Variants in SHISA6 observed in about 807,000 individuals in gnomAD.
SHISA6 encodes protein shisa-6.
SHISA6 carries 22 observed loss-of-function variants against 47.9 expected under a neutral mutation model. The observed-to-expected ratio is 0.46, with a 90% CI of 0.33 to 0.66. The LOEUF (loss-of-function observed/expected upper bound fraction) is 0.66. Ranked by LOEUF, SHISA6 falls within the 30% of genes least tolerant of loss-of-function variation. SHISA6 has a pLI of 0.02. For missense variants in SHISA6, 680 were observed against 764.6 expected (o/e 0.89, Z 1.30); for synonymous variants, 388 against 337.8 (o/e 1.15, Z -1.63).
intron 2 of SHISA6, among the ~76,000 whole-genome samples, chr17:11,336,091 C>T (rs1247422698): frequency 6.6e-6 from 1 of 151,670 alleles, no homozygotes; most frequent in African/African-American, 2.4e-5. Context: ...TGCCTGTAGT[C>T]CCAGCTATTC....
intron 3 of SHISA6, among the ~76,000 whole-genome samples, chr17:11,515,590 G>T (rs2071579194): frequency 6.6e-6 from 1 of 152,142 alleles, no homozygotes. Context: ...ACTGGCTCCT[G>T]CGTGATCCTA....
chr17:11,321,946 C>T (rs1407197366), intron 2 of SHISA6, among the ~76,000 whole-genome samples: 1 of 152,132 alleles, frequency 6.6e-6, no homozygotes, highest in African/African-American at 2.4e-5. Flanking sequence ...CTTCTTCTTC[C>T]ATTGTGGCCC....
rs1828727 is a variant in SHISA6, at chr17:11,415,102, A to T, written c.895+35593A>T. Among the ~76,000 whole-genome samples the T allele has an allele frequency of 8.8e-3, 1,344 of 152,162 alleles. 21 individuals carry two copies. Among genetic ancestry groups the T allele is most frequent in the African/African-American group, 0.03 (1,265 of 41,516 alleles). ...CTAAAAAAAAAAAAAGAAAGAAAGA[A>T]AAAAACAATGAATAAACTCATGATC... On this transcript the variant is annotated intron_variant, in intron 3 of 5. Transcript: ENST00000441885.
intron 3 of SHISA6, among the ~76,000 whole-genome samples, chr17:11,519,908 G>C (rs1446197241): frequency 1.3e-5 from 2 of 152,046 alleles, no homozygotes; most frequent in Non-Finnish European, 2.9e-5. Flanking sequence ...CCATGACATC[G>C]TGCTTTCTCA....
intron 2 of SHISA6, among the ~76,000 whole-genome samples, chr17:11,340,072 G>C (rs1285503330): frequency 6.6e-6 from 1 of 152,132 alleles, no homozygotes; most frequent in Non-Finnish European, 1.5e-5. Context: ...TTGCCTTCCT[G>C]TATGTTATTC....
At chr17:11,399,178 A>G (rs7226360) in intron 3 of SHISA6, among the ~76,000 whole-genome samples, 7,081 of 152,252 alleles carry the variant, frequency 0.047, 503 homozygotes, top group African/African-American at 0.15. Context: ...ACAGAAAGAT[A>G]GAGTAGGAGA....
At chr17:11,466,409 C>G (rs1915811488) in intron 3 of SHISA6, among the ~76,000 whole-genome samples, 1 of 152,176 alleles carries the variant, frequency 6.6e-6, no homozygotes, top group African/African-American at 2.4e-5. Flanking sequence ...AGCAGCCCCC[C>G]ACCCAAGGTC....
intron 3 of SHISA6, among the ~76,000 whole-genome samples, chr17:11,385,944 G>A (rs918524587): frequency 2.0e-5 from 3 of 151,938 alleles, no homozygotes; most frequent in Non-Finnish European, 2.9e-5. Context: ...ACCGAGGCTC[G>A]TGGAGATCAT....
chr17:11,383,589 A>G (rs1913099669), intron 3 of SHISA6, among the ~76,000 whole-genome samples: 1 of 152,230 alleles, frequency 6.6e-6, no homozygotes, highest in African/African-American at 2.4e-5. Context: ...CCCAGGTTAC[A>G]TAGCACTACC....
chr17:11,446,880 G>A (rs1915253923), intron 3 of SHISA6, among the ~76,000 whole-genome samples: 1 of 152,188 alleles, frequency 6.6e-6, no homozygotes, highest in African/African-American at 2.4e-5. Flanking sequence ...CCACAGACAT[G>A]GGAGAAGCCA....
chr17:11,415,119 C>T (rs1914244488), intron 3 of SHISA6, among the ~76,000 whole-genome samples: 1 of 151,646 alleles, frequency 6.6e-6, no homozygotes, highest in South Asian at 2.1e-4. Flanking sequence ...AATGAATAAA[C>T]TCATGATCCA....
At position 11,517,454 on chromosome 17, in the gene SHISA6, A is replaced by G. The variant is rs376113936; in HGVS notation, c.896-34442A>G. Among the ~76,000 whole-genome samples, 74 of 152,314 alleles carry G rather than the reference A, an allele frequency of 4.9e-4. No homozygotes were observed. The South Asian group carries it at 0.014, about 29-fold the overall frequency. On this transcript the variant is annotated intron_variant, in intron 3 of 5. Coordinates refer to ENST00000441885, the MANE Select transcript of SHISA6 (RefSeq NM_207386.4). ...AACAAAAACAAAGGCAGCTTCTTGT[A>G]TGAGTCAAATTCAGATTAATTTTTT...
chr17:11,466,514 C>A (rs1915813508), intron 3 of SHISA6, among the ~76,000 whole-genome samples: 3 of 152,156 alleles, frequency 2.0e-5, no homozygotes, highest in African/African-American at 7.2e-5. Context: ...GGGACATCCT[C>A]AGGGCTTACT....
chr17:11,479,070 T>C (rs1000220190), intron 3 of SHISA6, among the ~76,000 whole-genome samples: 24 of 152,088 alleles, frequency 1.6e-4, no homozygotes, highest in Non-Finnish European at 2.5e-4. Context: ...AAACTACTTT[T>C]TTAAAAACCT....
chr17:11,444,611 A>G (rs1309645038), intron 3 of SHISA6, among the ~76,000 whole-genome samples: 1 of 152,166 alleles, frequency 6.6e-6, no homozygotes, highest in Non-Finnish European at 1.5e-5. Context: ...CAACAATAAT[A>G]ATAATTTGAG....
At chr17:11,404,038 C>T (rs760768583) in intron 3 of SHISA6, among the ~76,000 whole-genome samples, 9 of 152,150 alleles carry the variant, frequency 5.9e-5, no homozygotes, top group Non-Finnish European at 1.2e-4. Flanking sequence ...GGCTGAGGTA[C>T]TGCTCAAGAA....
chr17:11,359,499 C>T (rs962692301), intron 2 of SHISA6, among the ~76,000 whole-genome samples: 1 of 152,168 alleles, frequency 6.6e-6, no homozygotes, highest in Non-Finnish European at 1.5e-5. Flanking sequence ...TGCATCAACT[C>T]TCTTCTCTCT....
At chr17:11,323,577 C>A (rs1315963183) in intron 2 of SHISA6, among the ~76,000 whole-genome samples, 1 of 151,882 alleles carries the variant, frequency 6.6e-6, no homozygotes, top group Non-Finnish European at 1.5e-5. Context: ...TCTCTTGAAC[C>A]CGGGAGGCAG....
chr17:11,527,103 C>T (rs1417278443), intron 3 of SHISA6, among the ~76,000 whole-genome samples: 2 of 151,890 alleles, frequency 1.3e-5, no homozygotes, highest in Admixed American at 6.6e-5. Flanking sequence ...TATTTCTTTC[C>T]TGGACATTTT....
Sources: allele counts gnomAD v4.1 joint callset (sites outside exome capture counted in the v4.1 genomes callset), GRCh38; gene constraint gnomAD v4.1.1; transcripts MANE v1.5; gene names NCBI Gene and HGNC (gene_info 2026-07-23, HGNC 2026-07-21).